GNG4: variants seen among roughly 807,000 people sequenced by gnomAD.
GNG4 encodes guanine nucleotide-binding protein G(I)/G(S)/G(O) subunit gamma-4.
GNG4 carries 4 observed loss-of-function variants against 5.8 expected under a neutral mutation model. The ratio of observed to expected loss-of-function variants is 0.69; its 90% CI spans 0.34 to 1.57. The LOEUF (loss-of-function observed/expected upper bound fraction) is 1.57, where lower values mean the gene tolerates loss of function less well. Ranked by LOEUF, GNG4 falls within the 40% of genes most tolerant of loss-of-function variation. The pLI, the probability that GNG4 is intolerant of heterozygous loss-of-function variation, is 0.06. For synonymous variants in GNG4, 29 were observed against 32.9 expected, an observed-to-expected ratio of 0.88 and a Z score of 0.41; for missense variants, 96 against 95.1, an observed-to-expected ratio of 1.01 and a Z score of -0.04.
intron 1 of GNG4, among the ~76,000 whole-genome samples, chr1:235,600,638 G>A (rs533089364): frequency 1.3e-5 from 2 of 151,930 alleles, no homozygotes; most frequent in African/African-American, 4.8e-5. Context: ...TGCCCAGGCC[G>A]GTTTTGAACT....
In GNG4 at chr1:235,588,646, G is replaced by T. The variant is rs115147189; in HGVS notation, c.-10-4798C>A. Among the ~76,000 whole-genome samples the T allele has an allele frequency of 1.2e-3, 180 of 151,702 alleles. 1 individual carries two copies. The highest frequency in any genetic ancestry group is 4.2e-3 in the African/African-American group (174 of 41,324). On this transcript the variant is annotated intron_variant, in intron 2 of 3. Coordinates refer to ENST00000391854, the MANE Select transcript of GNG4 (RefSeq NM_001098722.2). ...CAGACATCCACAATCCAGCCTCTGC[G>T]AGGCCCTCAGAGCTACCTGGCAATA...
intron 1 of GNG4, among the ~76,000 whole-genome samples, chr1:235,617,028 G>A (rs765091411): frequency 4.6e-5 from 7 of 150,908 alleles, no homozygotes; most frequent in Non-Finnish European, 8.8e-5. Flanking sequence ...CATTACAGGC[G>A]TGAGCCACTG....
intron 3 of GNG4, among the ~76,000 whole-genome samples, chr1:235,562,659 G>GAAAAAAAAAAAAAGA (rs766199361): frequency 1.4e-4 from 7 of 51,278 alleles, no homozygotes; most frequent in Non-Finnish European, 2.4e-4. Flanking sequence ...AAAAAAAAAA[G>GAAAAAAAAAAAAAGA]AAAAAAAAAA....
Position 235,552,087 on chromosome 1 carries a change from G to A in GNG4, c.*22C>T, listed in dbSNP as rs776691733. On this transcript the variant is annotated 3_prime_UTR_variant, in exon 4 of 4. Coordinates refer to ENST00000391854, the MANE Select transcript of GNG4 (RefSeq NM_001098722.2). ...GGGGACTTTGAAGGTCAGAAAAGGA[G>A]GCGTTTTCATCACACACGGAGTTAG... The A allele has an allele frequency of 1.9e-6, 3 of 1,612,296 alleles. No homozygotes were observed. The South Asian group carries it at 3.3e-5, about 18-fold the overall frequency.
At chr1:235,593,837 C>T (rs888630580) in intron 2 of GNG4, among the ~76,000 whole-genome samples, 5 of 152,136 alleles carry the variant, frequency 3.3e-5, no homozygotes, top group Non-Finnish European at 7.4e-5. Context: ...AGTGTTACAG[C>T]TCATAAAGGC....
chr1:235,623,083 C>T (rs566251742), intron 1 of GNG4, among the ~76,000 whole-genome samples: 1 of 151,968 alleles, frequency 6.6e-6, no homozygotes, highest in South Asian at 2.1e-4. Flanking sequence ...TTCTCACACT[C>T]TCTCCTCTCC....
chr1:235,583,384 G>A (rs1157953919), intron 3 of GNG4, among the ~76,000 whole-genome samples: 4 of 152,210 alleles, frequency 2.6e-5, no homozygotes, highest in Non-Finnish European at 4.4e-5. Flanking sequence ...AATATCCGAT[G>A]TTGTTGAACC....
At chr1:235,575,805 C>G (rs1376787659) in intron 3 of GNG4, among the ~76,000 whole-genome samples, 1 of 152,186 alleles carries the variant, frequency 6.6e-6, no homozygotes, top group Non-Finnish European at 1.5e-5. Context: ...GCAGGAGAAT[C>G]AGGGCACCCT....
intron 3 of GNG4, among the ~76,000 whole-genome samples, chr1:235,556,451 G>A (rs1411129356): frequency 4.6e-5 from 7 of 151,338 alleles, no homozygotes; most frequent in African/African-American, 7.3e-5. Context: ...CCAGCTACTC[G>A]GGAGGCTGAG....
chr1:235,567,234 TA>T (rs35600547), intron 3 of GNG4, among the ~76,000 whole-genome samples: 4 of 152,206 alleles, frequency 2.6e-5, no homozygotes, highest in Admixed American at 6.5e-5. Context: ...GCACCCGGCA[TA>T]AAAAAATGTT....
Position 235,583,778 on chromosome 1 carries a change from C to T in GNG4, c.61G>A (p.Glu21Lys). The T allele has an allele frequency of 6.2e-7, 1 of 1,613,766 alleles. No homozygotes were observed. Among genetic ancestry groups the T allele is most frequent in the Non-Finnish European group, 8.5e-7 (1 of 1,179,692 alleles). The change falls in exon 3 of 4, where the codon GAG becomes AAG. Residue 21 changes from glutamate (E) to lysine (K), a missense_variant. Glu to Lys is a moderately conservative substitution (Grantham distance 56). Transcript: ENST00000391854. ...TSISQARKAV[E>K]QLKMEACMDR... Reference sequence around the variant, plus strand: ...ATACAGGCTTCCATCTTTAGCTGCTCCACAGCTTTCCTGGCTTGGGAGATG... The same window carrying T: ...ATACAGGCTTCCATCTTTAGCTGCTTCACAGCTTTCCTGGCTTGGGAGATG...
At chr1:235,611,171 CT>C (rs983215576) in intron 1 of GNG4, among the ~76,000 whole-genome samples, 577 of 143,230 alleles carry the variant, frequency 4.0e-3, no homozygotes, top group Admixed American at 3.9e-3. Context: ...CTCTCTCTCT[CT>C]TTTTTTTTTT....
intron 3 of GNG4, among the ~76,000 whole-genome samples, chr1:235,555,434 G>A (rs976388297): frequency 1.3e-5 from 2 of 152,130 alleles, no homozygotes; most frequent in Non-Finnish European, 2.9e-5. Flanking sequence ...CCAGCACTAT[G>A]CTACATGCAT....
intron 3 of GNG4, among the ~76,000 whole-genome samples, chr1:235,576,926 A>G (rs545794322): frequency 6.6e-6 from 1 of 152,278 alleles, no homozygotes; most frequent in South Asian, 2.1e-4. Flanking sequence ...ACAATAATGA[A>G]TATTTCAGCT....
intron 1 of GNG4, among the ~76,000 whole-genome samples, chr1:235,623,434 GGTGACTTC>G (rs1688748208): frequency 1.3e-5 from 2 of 152,272 alleles, no homozygotes; most frequent in Admixed American, 1.3e-4. Context: ...CATCCACACA[GGTGACTTC>G]GTGGCTTCTG....
At chr1:235,553,751 T>C (rs957808838) in intron 3 of GNG4, among the ~76,000 whole-genome samples, 2 of 152,220 alleles carry the variant, frequency 1.3e-5, no homozygotes, top group Non-Finnish European at 2.9e-5. Context: ...CATGGAGAAA[T>C]GAGTTCCGGT....
At chr1:235,565,084 T>G (rs1687160755) in intron 3 of GNG4, among the ~76,000 whole-genome samples, 1 of 152,234 alleles carries the variant, frequency 6.6e-6, no homozygotes, top group African/African-American at 2.4e-5. Context: ...GTCAGCTGGC[T>G]GGATCCCATG....
chr1:235,626,948 G>A (rs1267211452), intron 1 of GNG4, among the ~76,000 whole-genome samples: 1 of 107,608 alleles, frequency 9.3e-6, no homozygotes, highest in Non-Finnish European at 1.8e-5. Context: ...GACAGAGTGA[G>A]ACTCTATCTC....
intron 3 of GNG4, among the ~76,000 whole-genome samples, chr1:235,558,365 A>G (rs1228072594): frequency 6.6e-6 from 1 of 152,242 alleles, no homozygotes; most frequent in African/African-American, 2.4e-5. Context: ...TAGCGTCCAG[A>G]GTCCTATATA....
Sources: gnomAD v4.1 joint callset for allele counts (sites outside exome capture counted in the v4.1 genomes callset) on GRCh38, gnomAD v4.1.1 for gene constraint, MANE v1.5 for transcripts, NCBI Gene and HGNC (gene_info 2026-07-23, HGNC 2026-07-21) for gene names.